The following ZBBX variants were observed in gnomAD, a reference collection of about 807,000 sequenced individuals.
ZBBX encodes the protein zinc finger B-box domain containing, also known as zinc finger B-box domain-containing protein 1.
Under a neutral mutation model 108.5 loss-of-function variants are expected in ZBBX, and 101 were observed. The ratio of observed to expected loss-of-function variants is 0.93; its 90% confidence interval spans 0.79 to 1.10. The LOEUF is 1.10. Ranked by LOEUF, ZBBX falls within the 50% of genes least tolerant of loss-of-function variation. The pLI is 0.00. For missense variants in ZBBX, 1,009 were observed against 941.4 expected, an observed-to-expected ratio of 1.07 and a Z score of -0.94; for synonymous variants, 356 against 323.4, an observed-to-expected ratio of 1.10 and a Z score of -1.08.
intron 20 of ZBBX, among the ~76,000 whole-genome samples, chr3:167,254,332 G>A (rs1410402763): frequency 3.3e-5 from 5 of 152,108 alleles, no homozygotes. Context: ...CTAGTGAACC[G>A]GGTACAGTGT....
the ZBBX span, among the ~76,000 whole-genome samples, chr3:167,188,179 T>C: frequency 6.6e-6 from 1 of 152,164 alleles, no homozygotes; most frequent in African/African-American, 2.4e-5. Flanking sequence ...ACCAGGCAAT[T>C]TTTTAACATA....
At chr3:167,278,672 C>T (rs1364765391) in intron 20 of ZBBX, among the ~76,000 whole-genome samples, 2 of 151,554 alleles carry the variant, frequency 1.3e-5, no homozygotes, top group East Asian at 3.9e-4. Flanking sequence ...ACCAGAGGTA[C>T]AAGGAGGAAC....
At chr3:167,367,019 C>T in intron 5 of ZBBX, 1 of 397,952 alleles carries the variant, frequency 2.5e-6, no homozygotes, top group East Asian at 7.2e-5. Flanking sequence ...AAGAAATGGA[C>T]TCTAAAGATA....
the ZBBX span, among the ~76,000 whole-genome samples, chr3:167,199,334 A>G: frequency 9.2e-4 from 140 of 152,318 alleles, no homozygotes; most frequent in African/African-American, 3.3e-3. Context: ...TTTGTCAAGT[A>G]TATCAGCTGC....
At chr3:167,302,959 C>T (rs935763107) in intron 17 of ZBBX, among the ~76,000 whole-genome samples, 1 of 152,132 alleles carries the variant, frequency 6.6e-6, no homozygotes, top group Non-Finnish European at 1.5e-5. Context: ...AGTAAACAAA[C>T]CTAGTCTTTG....
rs150136554 is a variant in ZBBX, at chr3:167,353,187, A to G, written c.433-2672T>C. On this transcript the variant is annotated intron_variant, in intron 8 of 21. Transcript: ENST00000675490. ...TGGAAAAGAGGAAGTCAAATTATTT[A>G]TGTTTGCTAATGATGTTATCTTATG... Among the ~76,000 whole-genome samples the G allele has an allele frequency of 6.0e-4, 91 of 152,240 alleles. No homozygotes were observed. The East Asian group carries it at 0.016, about 26-fold the overall frequency.
intron 5 of ZBBX, chr3:167,366,839 T>C (rs147359476): frequency 1.5e-5 from 7 of 455,978 alleles, no homozygotes; most frequent in Admixed American, 1.4e-4. Flanking sequence ...CATTTAGAAG[T>C]CCAAACTAAG....
chr3:167,184,067 T>C, the ZBBX span, among the ~76,000 whole-genome samples: 1 of 152,190 alleles, frequency 6.6e-6, no homozygotes, highest in Non-Finnish European at 1.5e-5. Context: ...CTATGTTTAA[T>C]TGATTATCAA....
chr3:167,333,834 C>T lies in ZBBX; in HGVS notation c.680G>A (p.Ser227Asn). The T allele has an allele frequency of 6.2e-7, 1 of 1,603,462 alleles. No individual in the cohort carries two copies. Among genetic ancestry groups the T allele is most frequent in the South Asian group, 1.1e-5 (1 of 89,150 alleles). Residue 227 changes from serine (S) to asparagine (N), a missense_variant, in exon 10 of 22, where the codon AGC (serine) becomes AAC (asparagine). Physicochemically the swap from Ser to Asn is conservative, Grantham distance 46. Transcript: ENST00000675490. ...KPKSVLLQRSSSEVEITTMKR... is the reference protein window; with the variant it reads ...KPKSVLLQRSNSEVEITTMKR... ...ATATTTTCCTCAGTTTACCTCAGAGCTGCTCCTCTGGAGAAGTACAGATTT... is the reference window on the plus strand; with the variant it reads ...ATATTTTCCTCAGTTTACCTCAGAGTTGCTCCTCTGGAGAAGTACAGATTT...
the ZBBX span, among the ~76,000 whole-genome samples, chr3:167,195,198 A>C: frequency 6.6e-6 from 1 of 152,254 alleles, no homozygotes; most frequent in Non-Finnish European, 1.5e-5. Context: ...GACAGCAAAG[A>C]CCTGGCTGGG....
chr3:167,227,166 A>G, the ZBBX span, among the ~76,000 whole-genome samples: 2 of 151,760 alleles, frequency 1.3e-5, no homozygotes. Context: ...TGTATGTTTC[A>G]TAAGAGCTAG....
the ZBBX span, among the ~76,000 whole-genome samples, chr3:167,218,378 C>T: frequency 2.6e-4 from 39 of 151,838 alleles, no homozygotes; most frequent in Non-Finnish European, 4.7e-4. Context: ...TTCAGTAGAA[C>T]AATTAAAAAA....
chr3:167,314,846 T>C (rs952139159), intron 15 of ZBBX, among the ~76,000 whole-genome samples: 11 of 152,112 alleles, frequency 7.2e-5, no homozygotes, highest in African/African-American at 2.2e-4. Context: ...AGCAAAGACA[T>C]GTGATAAGAT....
chr3:167,404,177 C>G (rs1748510327), intron 1 of ZBBX, among the ~76,000 whole-genome samples: 1 of 151,722 alleles, frequency 6.6e-6, no homozygotes, highest in African/African-American at 2.4e-5. Context: ...CAAGTAGTAC[C>G]AAAGATAAAG....
chr3:167,242,742 T>C, intron 20 of ZBBX, 99 bp from the exon 21 acceptor site: 1 of 1,068,656 alleles, frequency 9.4e-7, no homozygotes, highest in South Asian at 2.3e-5. Context: ...TTACAGGCAA[T>C]ACAAAGAAGG....
chr3:167,259,947 A>G (rs772314790), intron 20 of ZBBX, among the ~76,000 whole-genome samples: 23 of 152,172 alleles, frequency 1.5e-4, no homozygotes, highest in South Asian at 6.2e-4. Context: ...TAAGCTTTAA[A>G]CAGGTTCTGT....
chr3:167,327,772 G>C (rs1169691713), intron 11 of ZBBX, among the ~76,000 whole-genome samples, 170 bp downstream of exon 11: 1 of 151,844 alleles, frequency 6.6e-6, no homozygotes, highest in African/African-American at 2.4e-5. Context: ...AAATTAGCCA[G>C]GCATGGTGGC....
At chr3:167,191,896 C>CATATATATATATATATAT in the ZBBX span, among the ~76,000 whole-genome samples, 145 of 67,912 alleles carry the variant, frequency 2.1e-3, 9 homozygotes, top group East Asian at 3.7e-3. Context: ...TTACAAAAAT[C>CATATATATATATATATAT]ATATATATAT....
At chr3:167,401,871 G>A (rs1748433411) in intron 1 of ZBBX, among the ~76,000 whole-genome samples, 2 of 152,148 alleles carry the variant, frequency 1.3e-5, no homozygotes. Context: ...CTGACATTAT[G>A]AGAATGTCAA....
Sources: allele counts gnomAD v4.1 joint callset (sites outside exome capture counted in the v4.1 genomes callset), GRCh38; gene constraint gnomAD v4.1.1; transcripts MANE v1.5; gene names NCBI Gene and HGNC (gene_info 2026-07-23, HGNC 2026-07-21).